The following CFAP95 variants were observed in gnomAD, a reference collection of about 807,000 sequenced individuals.
CFAP95 encodes the protein cilia- and flagella-associated protein 95.
the CFAP95 span, among the ~76,000 whole-genome samples, chr9:69,822,426 T>G: frequency 3.3e-5 from 5 of 152,220 alleles, no homozygotes; most frequent in Admixed American, 1.3e-4. Flanking sequence ...TCTTCCTCCT[T>G]TGAACTCAGT....
At chr9:69,856,238 G>T in the CFAP95 span, among the ~76,000 whole-genome samples, 3 of 152,122 alleles carry the variant, frequency 2.0e-5, no homozygotes, top group African/African-American at 7.2e-5. Context: ...CCTGCTTAGG[G>T]TATTTAAAAT....
At chr9:69,857,820 G>A in the CFAP95 span, 95 of 1,161,556 alleles carry the variant, frequency 8.2e-5, 2 homozygotes, top group South Asian at 9.6e-4. Context: ...GAGCCACTGC[G>A]CCCAGCCCCT....
chr9:69,841,164 T>TTTTATA, the CFAP95 span, among the ~76,000 whole-genome samples: 381 of 56,058 alleles, frequency 6.8e-3, 31 homozygotes, highest in African/African-American at 0.02. Flanking sequence ...CCAAGCTGGA[T>TTTTATA]TATATATATA....
the CFAP95 span, among the ~76,000 whole-genome samples, chr9:69,885,770 G>A: frequency 6.6e-5 from 10 of 152,118 alleles, no homozygotes. Flanking sequence ...GGGTCAAAAA[G>A]TTCATAGAGG....
chr9:69,895,468 T>C, the CFAP95 span, among the ~76,000 whole-genome samples: 1 of 151,960 alleles, frequency 6.6e-6, no homozygotes, highest in African/African-American at 2.4e-5. Context: ...GCTCTCTGGC[T>C]CTCAGATTCT....
At chr9:69,862,969 G>A in the CFAP95 span, among the ~76,000 whole-genome samples, 1 of 152,292 alleles carries the variant, frequency 6.6e-6, no homozygotes, top group African/African-American at 2.4e-5. Flanking sequence ...AAAGAAAAGC[G>A]CTCTGTGAAT....
chr9:69,846,528 G>A, the CFAP95 span, among the ~76,000 whole-genome samples: 4 of 152,166 alleles, frequency 2.6e-5, no homozygotes, highest in African/African-American at 4.8e-5. Context: ...TGTGTATAAA[G>A]CACTGGCTCA....
the CFAP95 span, among the ~76,000 whole-genome samples, chr9:69,856,967 T>C: frequency 6.6e-6 from 1 of 151,636 alleles, no homozygotes; most frequent in Non-Finnish European, 1.5e-5. Context: ...TATCCAGGTT[T>C]GAACCCCAGC....
At chr9:69,829,929 C>T in the CFAP95 span, among the ~76,000 whole-genome samples, 1 of 152,172 alleles carries the variant, frequency 6.6e-6, no homozygotes, top group African/African-American at 2.4e-5. Context: ...TTGCAAGTGA[C>T]AGATGGTCAG....
chr9:69,826,943 C>G, the CFAP95 span, among the ~76,000 whole-genome samples: 1 of 152,054 alleles, frequency 6.6e-6, no homozygotes. Context: ...GTACAAAATC[C>G]CCACTAAAAC....
the CFAP95 span, among the ~76,000 whole-genome samples, chr9:69,862,932 C>G: frequency 3.3e-5 from 5 of 152,098 alleles, no homozygotes; most frequent in African/African-American, 1.2e-4. Context: ...TTGACACCAC[C>G]AGAACTTGTC....
chr9:69,876,696 G>A, the CFAP95 span, among the ~76,000 whole-genome samples: 16 of 151,858 alleles, frequency 1.1e-4, no homozygotes, highest in African/African-American at 2.7e-4. Context: ...GTGCAATGGC[G>A]CAGTTTTGGC....
At chr9:69,863,751 T>C in the CFAP95 span, among the ~76,000 whole-genome samples, 1 of 152,082 alleles carries the variant, frequency 6.6e-6, no homozygotes, top group African/African-American at 2.4e-5. Context: ...GATCCAATTT[T>C]GAAAGGGAGA....
At chr9:69,841,272 A>G in the CFAP95 span, among the ~76,000 whole-genome samples, 2 of 148,634 alleles carry the variant, frequency 1.3e-5, no homozygotes, top group African/African-American at 5.0e-5. Context: ...TCTAATAAAG[A>G]GGTGGGCCTT....
the CFAP95 span, among the ~76,000 whole-genome samples, chr9:69,850,220 A>T: frequency 9.2e-5 from 14 of 152,388 alleles, no homozygotes; most frequent in African/African-American, 3.4e-4. Flanking sequence ...CTTGTCAGAC[A>T]TAAATGAACA....
At chr9:69,868,650 A>C in the CFAP95 span, among the ~76,000 whole-genome samples, 1 of 140,028 alleles carries the variant, frequency 7.1e-6, no homozygotes, top group African/African-American at 2.6e-5. Flanking sequence ...AGAGTGAGTG[A>C]GACTCTGTCT....
chr9:69,838,325 T>G, the CFAP95 span, among the ~76,000 whole-genome samples: 13 of 152,104 alleles, frequency 8.5e-5, no homozygotes, highest in Admixed American at 3.3e-4. Flanking sequence ...CCTTGGGCAG[T>G]ATGGCCATTT....
the CFAP95 span, among the ~76,000 whole-genome samples, chr9:69,898,007 A>G: frequency 6.6e-6 from 1 of 152,182 alleles, no homozygotes; most frequent in South Asian, 2.1e-4. Context: ...TTGCAACTCC[A>G]GTGCTTCCTG....
At chr9:69,899,040 G>C in the CFAP95 span, among the ~76,000 whole-genome samples, 1 of 152,196 alleles carries the variant, frequency 6.6e-6, no homozygotes, top group Non-Finnish European at 1.5e-5. Flanking sequence ...TTCTGCATAA[G>C]CCTTTGTGCA....
Sources: allele counts gnomAD v4.1 joint callset (sites outside exome capture counted in the v4.1 genomes callset), GRCh38; gene constraint gnomAD v4.1.1; transcripts MANE v1.5; gene names NCBI Gene and HGNC (gene_info 2026-07-23, HGNC 2026-07-21).